BCKDHB: variants seen among roughly 807,000 people sequenced by gnomAD.
The protein encoded by BCKDHB is 2-oxoisovalerate dehydrogenase subunit beta, mitochondrial.
A neutral mutation model predicts 48.5 loss-of-function variants in BCKDHB; 41 were observed. That is an observed-to-expected ratio of 0.85 (90% CI 0.66 to 1.10). The LOEUF (loss-of-function observed/expected upper bound fraction) is 1.10, where lower values mean the gene tolerates loss of function less well. BCKDHB is among the 50% of genes least tolerant of loss of function. BCKDHB has a pLI of 0.00. For synonymous variants in BCKDHB, 201 were observed against 174.8 expected (o/e 1.15, Z -1.18); for missense variants, 496 against 494.2 (o/e 1.00, Z -0.03).
intron 8 of BCKDHB, among the ~76,000 whole-genome samples, chr6:80,260,874 G>GA (rs749044603): frequency 1.3e-5 from 2 of 151,828 alleles, no homozygotes; most frequent in African/African-American, 4.8e-5. Context: ...TTGATATTTG[G>GA]AAAAAAAAGA....
chr6:80,270,700 T>A (rs1341947292), intron 8 of BCKDHB, among the ~76,000 whole-genome samples: 1 of 152,108 alleles, frequency 6.6e-6, no homozygotes, highest in African/African-American at 2.4e-5. Flanking sequence ...TTTTGTCAAG[T>A]ATCTAACGGC....
At chr6:80,332,598 A>G (rs1769365025) in intron 9 of BCKDHB, among the ~76,000 whole-genome samples, 1 of 152,070 alleles carries the variant, frequency 6.6e-6, no homozygotes, top group Non-Finnish European at 1.5e-5. Context: ...ATTTTAATCA[A>G]ATTACTTAGT....
At chr6:80,171,257 G>T in intron 5 of BCKDHB, 25 bp from the exon 6 acceptor site, 2 of 1,428,382 alleles carry the variant, frequency 1.4e-6, no homozygotes, top group South Asian at 1.2e-5. Flanking sequence ...TACTAAAATT[G>T]TCTTAAAAAA....
At chr6:80,465,166 G>GA in the BCKDHB span, among the ~76,000 whole-genome samples, 1 of 152,210 alleles carries the variant, frequency 6.6e-6, no homozygotes, top group South Asian at 2.1e-4. Flanking sequence ...AAATGTAGAA[G>GA]AGATGAGAGG....
the BCKDHB span, among the ~76,000 whole-genome samples, chr6:80,407,296 T>A: frequency 6.6e-6 from 1 of 152,294 alleles, no homozygotes; most frequent in Non-Finnish European, 1.5e-5. Flanking sequence ...GCATGATACC[T>A]CCAGGTTTGT....
intron 9 of BCKDHB, among the ~76,000 whole-genome samples, chr6:80,335,231 GAA>G (rs796841647): frequency 2.2e-4 from 9 of 40,460 alleles, no homozygotes; most frequent in East Asian, 6.2e-4. Context: ...AATTTTGTGG[GAA>G]AAAAAAAAAA....
chr6:80,218,635 T>C (rs1775279412), intron 8 of BCKDHB, among the ~76,000 whole-genome samples: 2 of 152,314 alleles, frequency 1.3e-5, no homozygotes, highest in Middle Eastern at 3.4e-3. Flanking sequence ...CTCTTTATTG[T>C]AATTTATTTT....
At chr6:80,455,850 AAAG>A in the BCKDHB span, among the ~76,000 whole-genome samples, 1 of 152,176 alleles carries the variant, frequency 6.6e-6, no homozygotes, top group Non-Finnish European at 1.5e-5. Context: ...GGCAAGCTAA[AAAG>A]AAGACCATTG....
chr6:80,272,603 C>CAGAT (rs2077059163), intron 8 of BCKDHB, among the ~76,000 whole-genome samples: 1 of 152,112 alleles, frequency 6.6e-6, no homozygotes, highest in African/African-American at 2.4e-5. Flanking sequence ...GGTCATCAAC[C>CAGAT]AGATTTTAGA....
the BCKDHB span, among the ~76,000 whole-genome samples, chr6:80,381,895 C>T: frequency 6.7e-6 from 1 of 149,394 alleles, no homozygotes; most frequent in African/African-American, 2.4e-5. Flanking sequence ...TGAAGAAATT[C>T]CTAAAACCTG....
At chr6:80,185,143 CG>C (rs1773584087) in intron 6 of BCKDHB, among the ~76,000 whole-genome samples, 1 of 151,858 alleles carries the variant, frequency 6.6e-6, no homozygotes, top group Non-Finnish European at 1.5e-5. Flanking sequence ...CTTTGTCTTT[CG>C]GTTAATTTGT....
chr6:80,369,012 CA>C, the BCKDHB span, among the ~76,000 whole-genome samples: 13 of 19,522 alleles, frequency 6.7e-4, no homozygotes, highest in African/African-American at 8.6e-4. Flanking sequence ...GACTCCATCT[CA>C]AAAAAAAAAA....
chr6:80,176,295 G>T (rs914056062), intron 6 of BCKDHB, among the ~76,000 whole-genome samples: 1 of 152,142 alleles, frequency 6.6e-6, no homozygotes, highest in Non-Finnish European at 1.5e-5. Context: ...TGTGTGTGCT[G>T]ATTTTAAATA....
chr6:80,112,819 A>G (rs559097837), intron 1 of BCKDHB, among the ~76,000 whole-genome samples: 2 of 152,298 alleles, frequency 1.3e-5, no homozygotes, highest in South Asian at 4.1e-4. Context: ...TTAGTTAGGC[A>G]TGGGTGCTGC....
At chr6:80,205,098 T>A (rs911421011) in intron 8 of BCKDHB, among the ~76,000 whole-genome samples, 1 of 152,064 alleles carries the variant, frequency 6.6e-6, no homozygotes, top group African/African-American at 2.4e-5. Context: ...TCGTTGCTGA[T>A]GATGGTACCT....
chr6:80,373,061 G>A, the BCKDHB span, among the ~76,000 whole-genome samples: 3 of 152,090 alleles, frequency 2.0e-5, no homozygotes, highest in African/African-American at 7.2e-5. Flanking sequence ...AAATTCATCT[G>A]TGAATCCATC....
intron 9 of BCKDHB, chr6:80,307,666 G>A (rs988930600): frequency 1.0e-6 from 1 of 973,552 alleles, no homozygotes. Context: ...AAAATTATTT[G>A]TATTCACATT....
At chr6:80,279,679 T>C (rs1014247956) in intron 9 of BCKDHB, among the ~76,000 whole-genome samples, 1 of 151,956 alleles carries the variant, frequency 6.6e-6, no homozygotes, top group African/African-American at 2.4e-5. Context: ...GACTCCAGTA[T>C]GCAGATCACA....
At chr6:80,125,723 AT>A (rs1770308536) in intron 1 of BCKDHB, among the ~76,000 whole-genome samples, 1 of 152,096 alleles carries the variant, frequency 6.6e-6, no homozygotes, top group Admixed American at 6.6e-5. Flanking sequence ...CACATACAAC[AT>A]TTATTGAGGT....
Sources: allele counts gnomAD v4.1 joint callset (sites outside exome capture counted in the v4.1 genomes callset), GRCh38; gene constraint gnomAD v4.1.1; transcripts MANE v1.5; gene names NCBI Gene and HGNC (gene_info 2026-07-23, HGNC 2026-07-21).